ROBO1: variants seen among roughly 807,000 people sequenced by gnomAD.
The protein encoded by ROBO1 is roundabout homolog 1.
ROBO1 carries 149 observed loss-of-function variants against 195.9 expected under a neutral mutation model. The ratio of observed to expected loss-of-function variants is 0.76; its 90% CI spans 0.67 to 0.87. The LOEUF (loss-of-function observed/expected upper bound fraction) is 0.87, where lower values mean the gene tolerates loss of function less well. Ranked by LOEUF, ROBO1 falls within the 40% of genes least tolerant of loss-of-function variation. ROBO1 has a pLI of 0.00. For synonymous variants in ROBO1, 816 were observed against 733.2 expected (o/e 1.11, Z -1.82); for missense variants, 1,933 against 2,068.3 (o/e 0.93, Z 1.27).
At chr3:79,601,480 T>C (rs1329121853) in intron 1 of ROBO1, among the ~76,000 whole-genome samples, 1 of 152,004 alleles carries the variant, frequency 6.6e-6, no homozygotes, top group Non-Finnish European at 1.5e-5. Flanking sequence ...GGCAAAGGTC[T>C]CTATTATGAT....
intron 2 of ROBO1, among the ~76,000 whole-genome samples, chr3:79,286,700 A>G (rs904060404): frequency 2.6e-5 from 4 of 152,204 alleles, no homozygotes; most frequent in Non-Finnish European, 5.9e-5. Context: ...ACGCCTGCCC[A>G]AGGATGAAGT....
At chr3:79,148,592 T>C (rs189966954) in intron 2 of ROBO1, among the ~76,000 whole-genome samples, 2 of 152,014 alleles carry the variant, frequency 1.3e-5, no homozygotes, top group African/African-American at 4.8e-5. Flanking sequence ...TTGAGTTGAG[T>C]TCAATAGTCT....
At chr3:79,379,964 C>T (rs2036515376) in intron 2 of ROBO1, among the ~76,000 whole-genome samples, 1 of 152,238 alleles carries the variant, frequency 6.6e-6, no homozygotes, top group Non-Finnish European at 1.5e-5. Flanking sequence ...TTTAATTATT[C>T]CTTTACTACA....
intron 4 of ROBO1, among the ~76,000 whole-genome samples, chr3:78,775,125 T>C (rs1022611146): frequency 6.6e-6 from 1 of 152,208 alleles, no homozygotes; most frequent in African/African-American, 2.4e-5. Context: ...TGTCAGTTTG[T>C]ACCCATGACA....
chr3:79,549,036 G>C (rs1942378443), intron 2 of ROBO1, among the ~76,000 whole-genome samples: 1 of 152,158 alleles, frequency 6.6e-6, no homozygotes, highest in South Asian at 2.1e-4. Context: ...TCCTTCAAGG[G>C]ATGTGCACTT....
chr3:79,577,739 C>A (rs1438125263), intron 2 of ROBO1, among the ~76,000 whole-genome samples: 1 of 117,322 alleles, frequency 8.5e-6, no homozygotes, highest in East Asian at 2.0e-4. Flanking sequence ...CACACACACA[C>A]ACACACACAC....
intron 4 of ROBO1, among the ~76,000 whole-genome samples, chr3:78,883,018 G>A (rs563523820): frequency 1.2e-4 from 18 of 151,966 alleles, no homozygotes; most frequent in African/African-American, 4.3e-4. Flanking sequence ...TCACCATGTT[G>A]GCCAGGCCGG....
At chr3:79,013,842 A>T (rs2077851053) in intron 3 of ROBO1, among the ~76,000 whole-genome samples, 1 of 152,316 alleles carries the variant, frequency 6.6e-6, no homozygotes, top group East Asian at 1.9e-4. Context: ...CAGTAAAAGT[A>T]GCCATTTTCA....
Position 79,019,120 on chromosome 3 carries a change from G to A in ROBO1, c.173-80193C>T, listed in dbSNP as rs1281934691. 3.0e-6 allele frequency: 3 copies of A among 986,640 alleles called. No homozygotes were observed. The East Asian group carries it at 3.4e-4, about 112-fold the overall frequency. The allele number at this position is 986,640 out of a possible 1,614,324, so 61.1% of individuals were successfully genotyped here. ...TCCCATCACTTGGGGGATGCGGAGG[G>A]TACTGGAGACAGCAGCAGGACCGCG... On this transcript the variant is annotated intron_variant, in intron 3 of 30. Coordinates refer to ENST00000464233, the MANE Select transcript of ROBO1 (RefSeq NM_002941.4).
intron 8 of ROBO1, among the ~76,000 whole-genome samples, chr3:78,711,475 T>C (rs1427440644): frequency 3.1e-5 from 4 of 129,218 alleles, no homozygotes; most frequent in African/African-American, 1.1e-4. Context: ...TTTTCTCTCT[T>C]TCTCTCTCTC....
At chr3:78,734,125 T>C (rs1035748082) in intron 5 of ROBO1, among the ~76,000 whole-genome samples, 1 of 152,184 alleles carries the variant, frequency 6.6e-6, no homozygotes, top group Non-Finnish European at 1.5e-5. Context: ...TAATAGATCA[T>C]GGATGCTAAC....
intron 5 of ROBO1, among the ~76,000 whole-genome samples, chr3:78,738,164 AG>A (rs1344695148): frequency 6.6e-6 from 1 of 152,160 alleles, no homozygotes; most frequent in Non-Finnish European, 1.5e-5. Context: ...GCAATTGGCA[AG>A]GAGTGGGCTG....
chr3:79,369,708 C>T (rs182044785), intron 2 of ROBO1, among the ~76,000 whole-genome samples: 3 of 151,588 alleles, frequency 2.0e-5, no homozygotes, highest in Non-Finnish European at 2.9e-5. Context: ...TCTTTAGTCC[C>T]AAGTGAATGA....
chr3:79,340,758 A>G (rs530972295), intron 2 of ROBO1, among the ~76,000 whole-genome samples: 2 of 152,302 alleles, frequency 1.3e-5, no homozygotes, highest in East Asian at 3.9e-4. Flanking sequence ...GATATAACCA[A>G]TTTTCATAAA....
chr3:79,448,933 C>A (rs1192554652), intron 2 of ROBO1, among the ~76,000 whole-genome samples: 1 of 152,048 alleles, frequency 6.6e-6, no homozygotes, highest in Non-Finnish European at 1.5e-5. Flanking sequence ...TTTCTACCTC[C>A]AAGATTCAGT....
chr3:78,959,132 A>C (rs1483311666), intron 3 of ROBO1, among the ~76,000 whole-genome samples: 1 of 152,174 alleles, frequency 6.6e-6, no homozygotes, highest in Non-Finnish European at 1.5e-5. Context: ...CAAGTGGAAC[A>C]GACTGAAAGA....
chr3:79,112,022 T>C (rs2079895804), intron 3 of ROBO1, among the ~76,000 whole-genome samples: 1 of 152,196 alleles, frequency 6.6e-6, no homozygotes, highest in Admixed American at 6.5e-5. Context: ...TTTGTATTGA[T>C]TACATGTTGA....
In ROBO1 at chr3:79,079,219, A is replaced by T. The variant is rs546117274; in HGVS notation, c.172+46237T>A. ...ATATGTGAAGCTTATTCAGACTTTT[A>T]AAAAAATCACGTTTTCTTTAAAAGG... is the stretch of plus-strand genomic sequence containing the variant. On this transcript the variant is annotated intron_variant, in intron 3 of 30. Coordinates refer to ENST00000464233, the MANE Select transcript of ROBO1 (RefSeq NM_002941.4). 3.3e-4 allele frequency among the ~76,000 whole-genome samples: 50 copies of T among 151,918 alleles called. 1 individual carries two copies. The East Asian group carries it at 5.2e-3, about 16-fold the overall frequency.
At chr3:78,625,467 C>A (rs1158255694) in intron 26 of ROBO1, among the ~76,000 whole-genome samples, 1 of 152,032 alleles carries the variant, frequency 6.6e-6, no homozygotes, top group Admixed American at 6.6e-5. Context: ...AGTCCAAAGA[C>A]AAAGAATTTG....
Sources: allele counts gnomAD v4.1 joint callset (sites outside exome capture counted in the v4.1 genomes callset), GRCh38; gene constraint gnomAD v4.1.1; transcripts MANE v1.5; gene names NCBI Gene and HGNC (gene_info 2026-07-23, HGNC 2026-07-21).